Variants in DTNB observed in about 807,000 individuals in gnomAD.
DTNB encodes DTN-B.
Under a neutral mutation model 90.7 loss-of-function variants are expected in DTNB, and 63 were observed. The observed-to-expected ratio is 0.69, with a 90% CI of 0.57 to 0.86. The LOEUF (loss-of-function observed/expected upper bound fraction) is 0.86. Ranked by LOEUF, DTNB falls within the 40% of genes least tolerant of loss-of-function variation. The pLI, the probability that DTNB is intolerant of heterozygous loss-of-function variation, is 0.00. For synonymous variants in DTNB, 277 were observed against 286.7 expected, an observed-to-expected ratio of 0.97 and a Z score of 0.34; for missense variants, 744 against 807.1, an observed-to-expected ratio of 0.92 and a Z score of 0.95.
chr2:25,619,425 T>C (rs1395052809), intron 4 of DTNB, among the ~76,000 whole-genome samples: 1 of 152,224 alleles, frequency 6.6e-6, no homozygotes, highest in Non-Finnish European at 1.5e-5. Context: ...CAAGAATCCA[T>C]TTGGCAAATG....
intron 8 of DTNB, among the ~76,000 whole-genome samples, chr2:25,571,967 T>C (rs928084458): frequency 6.6e-6 from 1 of 152,184 alleles, no homozygotes; most frequent in Non-Finnish European, 1.5e-5. Flanking sequence ...TGGATACTAC[T>C]GAAACTTCAA....
intron 1 of DTNB, among the ~76,000 whole-genome samples, chr2:25,653,600 CT>C (rs1454543265): frequency 4.0e-5 from 6 of 149,822 alleles, no homozygotes; most frequent in Non-Finnish European, 1.5e-5. Flanking sequence ...CAACCTCCGA[CT>C]CCCGGGTTCA....
intron 9 of DTNB, among the ~76,000 whole-genome samples, chr2:25,525,304 G>A (rs1355334175): frequency 6.6e-6 from 1 of 151,948 alleles, no homozygotes; most frequent in Non-Finnish European, 1.5e-5. Context: ...TGAGGAAGAG[G>A]GACACAGGAG....
intron 9 of DTNB, among the ~76,000 whole-genome samples, chr2:25,516,424 T>A (rs1324652608): frequency 3.3e-5 from 5 of 152,014 alleles, no homozygotes; most frequent in African/African-American, 1.2e-4. Context: ...TTTTTTTGTA[T>A]CTTTTTTAAG....
rs2081552749 is a variant in DTNB, at chr2:25,542,737, CGGTTTTGGTAAGCA to C, written c.877-11154_877-11141del. On this transcript the variant is annotated intron_variant, in intron 8 of 20. Transcript: ENST00000406818. ...TTGGGTGTTCTATTCCATCTTGAAT[CGGTTTTGGTAAGCA>C]ACGCTGTTTTAGAAATTTGTTAATT... Among the ~76,000 whole-genome samples, 3 of 152,216 alleles carry C rather than the reference CGGTTTTGGTAAGCA, an allele frequency of 2.0e-5. No individual in the cohort carries two copies. The East Asian group carries it at 5.8e-4, about 29-fold the overall frequency.
chr2:25,433,562 T>C (rs2149969502), intron 13 of DTNB, among the ~76,000 whole-genome samples: 1 of 151,796 alleles, frequency 6.6e-6, no homozygotes, highest in East Asian at 1.9e-4. Context: ...CAGTCCTACA[T>C]AGCATAATGG....
intron 9 of DTNB, among the ~76,000 whole-genome samples, chr2:25,526,391 A>T (rs59316061): frequency 0.017 from 1,070 of 64,492 alleles, 29 homozygotes; most frequent in African/African-American, 0.056. Flanking sequence ...ATATATATAT[A>T]TATATTTTTT....
At chr2:25,522,402 G>A (rs752504495) in intron 9 of DTNB, among the ~76,000 whole-genome samples, 2 of 152,260 alleles carry the variant, frequency 1.3e-5, no homozygotes, top group Non-Finnish European at 2.9e-5. Context: ...GGAGGAGTCA[G>A]ATGCCTGTGT....
chr2:25,534,548 G>A (rs181491645), intron 8 of DTNB, among the ~76,000 whole-genome samples: 133 of 152,220 alleles, frequency 8.7e-4, no homozygotes, highest in Middle Eastern at 3.4e-3. Flanking sequence ...TTCCCAGATG[G>A]GGCGGCCTGG....
At chr2:25,611,708 G>A (rs989661076) in intron 4 of DTNB, among the ~76,000 whole-genome samples, 7 of 152,132 alleles carry the variant, frequency 4.6e-5, no homozygotes, top group African/African-American at 4.8e-5. Flanking sequence ...GAACTGTGGC[G>A]CATGCCTGTA....
Position 25,596,174 on chromosome 2 carries a change from T to G in DTNB, c.515A>C (p.Lys172Thr), listed in dbSNP as rs777827348. The G allele has an allele frequency of 1.2e-6, 2 of 1,613,538 alleles. No individual in the cohort carries two copies. The highest frequency in any genetic ancestry group is 4.5e-5 in the East Asian group (2 of 44,870). The change falls in exon 6 of 21, where the codon AAG becomes ACG. Residue 172 changes from lysine to threonine, a missense_variant. Coordinates refer to ENST00000406818, the MANE Select transcript of DTNB (RefSeq NM_021907.5). ...MIFSKFDQFL[K>T]EVLKLPTAVF... is the part of the protein sequence containing the mutation. ...AGCTGTTGGGAGCTTCAGAACTTCC[T>G]TCAGAAACTGGTCAAACTTGCTAAA...
chr2:25,533,040 T>A (rs2078558681), intron 8 of DTNB, among the ~76,000 whole-genome samples: 1 of 152,156 alleles, frequency 6.6e-6, no homozygotes, highest in Non-Finnish European at 1.5e-5. Flanking sequence ...CTGGGAAAAC[T>A]TGGTCAGGCA....
At chr2:25,628,646 A>C (rs1194155890) in intron 3 of DTNB, among the ~76,000 whole-genome samples, 1 of 152,208 alleles carries the variant, frequency 6.6e-6, no homozygotes, top group Non-Finnish European at 1.5e-5. Flanking sequence ...ATAGTGACCC[A>C]TGCAATTCCT....
intron 9 of DTNB, among the ~76,000 whole-genome samples, chr2:25,483,180 A>G (rs1012685146): frequency 6.6e-6 from 1 of 152,256 alleles, no homozygotes; most frequent in Non-Finnish European, 1.5e-5. Flanking sequence ...GCAACTGATT[A>G]TAAGCACACT....
At chr2:25,539,234 C>A (rs2080579709) in intron 8 of DTNB, among the ~76,000 whole-genome samples, 1 of 152,116 alleles carries the variant, frequency 6.6e-6, no homozygotes, top group Admixed American at 6.6e-5. Flanking sequence ...CTCTTAGTGG[C>A]CATGTATAAG....
intron 7 of DTNB, 34 bp downstream of exon 7, chr2:25,580,687 G>C (rs1367496200): frequency 4.5e-6 from 7 of 1,550,926 alleles, no homozygotes; most frequent in Non-Finnish European, 6.2e-6. Flanking sequence ...ACTTTCTATA[G>C]CATGCGGAAT....
At chr2:25,449,449 G>C (rs1189286312) in intron 12 of DTNB, among the ~76,000 whole-genome samples, 7 of 152,200 alleles carry the variant, frequency 4.6e-5, no homozygotes. Flanking sequence ...GCCAACAACA[G>C]GGTGAGATTT....
intron 9 of DTNB, among the ~76,000 whole-genome samples, chr2:25,508,106 A>G (rs566023930): frequency 3.3e-5 from 5 of 152,312 alleles, no homozygotes; most frequent in Admixed American, 1.3e-4. Context: ...TCTATATAGC[A>G]CTTATTACCT....
At chr2:25,662,389 T>A (rs2083359688) in intron 1 of DTNB, among the ~76,000 whole-genome samples, 2 of 152,150 alleles carry the variant, frequency 1.3e-5, no homozygotes, top group African/African-American at 4.8e-5. Flanking sequence ...ATGGATCAAT[T>A]TCACAATATT....
Sources: allele counts gnomAD v4.1 joint callset (sites outside exome capture counted in the v4.1 genomes callset), GRCh38; gene constraint gnomAD v4.1.1; transcripts MANE v1.5; gene names NCBI Gene and HGNC (gene_info 2026-07-23, HGNC 2026-07-21).